The following STXBP5L variants were observed in gnomAD, a reference collection of about 807,000 sequenced individuals.
STXBP5L encodes the protein syntaxin-binding protein 5-like.
A neutral mutation model predicts 144.5 loss-of-function variants in STXBP5L; 65 were observed. The observed-to-expected ratio is 0.45, with a 90% confidence interval of 0.37 to 0.55. The LOEUF (loss-of-function observed/expected upper bound fraction) is 0.55. Among genes scored for constraint, STXBP5L ranks in the 20% least tolerant of loss-of-function variants. The pLI is 0.00. For synonymous variants in STXBP5L, 505 were observed against 469.6 expected (o/e 1.08, Z -0.97); for missense variants, 1,298 against 1,405.5 (o/e 0.92, Z 1.22).
At chr3:120,995,115 T>TA (rs1201123436) in intron 3 of STXBP5L, among the ~76,000 whole-genome samples, 1 of 152,076 alleles carries the variant, frequency 6.6e-6, no homozygotes, top group Non-Finnish European at 1.5e-5. Context: ...GTCTGCAAAT[T>TA]AAAAAAGTGT....
chr3:121,275,238 T>G (rs2050845753), intron 18 of STXBP5L, among the ~76,000 whole-genome samples: 1 of 152,116 alleles, frequency 6.6e-6, no homozygotes, highest in South Asian at 2.1e-4. Context: ...CTATTATACT[T>G]CTCTATATAT....
intron 5 of STXBP5L, among the ~76,000 whole-genome samples, chr3:121,049,453 G>A (rs1241889885): frequency 2.0e-5 from 3 of 152,120 alleles, no homozygotes; most frequent in South Asian, 2.1e-4. Context: ...CCTTAAGGTG[G>A]CTGCCTTTTA....
intron 23 of STXBP5L, among the ~76,000 whole-genome samples, chr3:121,411,876 GCAGT>G (rs1184445964): frequency 6.6e-6 from 1 of 152,120 alleles, no homozygotes; most frequent in Non-Finnish European, 1.5e-5. Flanking sequence ...GACCAAGTAT[GCAGT>G]CAGACACTTT....
In STXBP5L at chr3:120,969,699, T is replaced by A. The variant is rs1940020593; in HGVS notation, c.287+14662T>A. Among the ~76,000 whole-genome samples, 4 of 152,164 alleles carry A rather than the reference T, an allele frequency of 2.6e-5. No homozygotes were observed. In the South Asian group the frequency reaches 8.3e-4, roughly 32 times the overall value. On this transcript the variant is annotated intron_variant, in intron 3 of 26. Coordinates refer to ENST00000471454, the MANE Select transcript of STXBP5L (RefSeq NM_001308330.2). ...AGGTCTTATATTTAAGTCTTTTATC[T>A]ATATTGACTTGATTTTTGTGTAAAG...
At chr3:121,194,443 G>GAGGATTACTTGAGCCC (rs1553733473) in intron 9 of STXBP5L, among the ~76,000 whole-genome samples, 2 of 150,570 alleles carry the variant, frequency 1.3e-5, no homozygotes, top group African/African-American at 4.9e-5. Context: ...GCCTAGGCAG[G>GAGGATTACTTGAGCCC]AGGATTGCTT....
rs536156490 is a variant in STXBP5L, at chr3:121,250,997, C to A, written c.1441+234C>A. 4.6e-5 allele frequency among the ~76,000 whole-genome samples: 7 copies of A among 152,158 alleles called. No individual in the cohort carries two copies. In the South Asian group the frequency reaches 1.5e-3, roughly 32 times the overall value. On this transcript the variant is annotated intron_variant, in intron 15 of 26. Transcript: ENST00000471454. ...GACTAAGTCACTCTTTGTCAGCAAC[C>A]CATTATATCTACAAGAGGCATGATA...
Position 120,981,447 on chromosome 3 carries a change from G to C in STXBP5L, c.287+26410G>C, listed in dbSNP as rs182381943. On this transcript the variant is annotated intron_variant, in intron 3 of 26. Transcript: ENST00000471454. ...TTAAAAAGCTCTGTTTTCTAGCTCTGAAGTTGTTTTTGTTTGTTCTAGCCT... is the reference window on the plus strand; with the variant it reads ...TTAAAAAGCTCTGTTTTCTAGCTCTCAAGTTGTTTTTGTTTGTTCTAGCCT... Among the ~76,000 whole-genome samples the C allele has an allele frequency of 5.9e-5, 9 of 152,086 alleles. No individual in the cohort carries two copies. In the East Asian group the frequency reaches 1.7e-3, roughly 29 times the overall value.
intron 2 of STXBP5L, among the ~76,000 whole-genome samples, chr3:120,931,295 A>G (rs1289247122): frequency 1.3e-5 from 2 of 152,266 alleles, no homozygotes; most frequent in East Asian, 3.9e-4. Context: ...AGGCTACATA[A>G]TAGGTAAAGA....
intron 5 of STXBP5L, among the ~76,000 whole-genome samples, chr3:121,050,225 C>T (rs912463594): frequency 5.3e-5 from 8 of 152,084 alleles, no homozygotes; most frequent in African/African-American, 1.2e-4. Flanking sequence ...AGCTATCTCA[C>T]GCCAAATCTC....
intron 2 of STXBP5L, among the ~76,000 whole-genome samples, chr3:120,923,383 G>T (rs1709451622): frequency 6.6e-6 from 1 of 151,344 alleles, no homozygotes; most frequent in Non-Finnish European, 1.5e-5. Flanking sequence ...TGAATGTTGG[G>T]TTGGATTGTT....
At chr3:120,976,676 G>T (rs368221970) in intron 3 of STXBP5L, among the ~76,000 whole-genome samples, 1 of 152,044 alleles carries the variant, frequency 6.6e-6, no homozygotes. Flanking sequence ...TCTCTTGTGG[G>T]CATTTAGTGC....
At chr3:121,353,203 A>C (rs2045368288) in intron 20 of STXBP5L, among the ~76,000 whole-genome samples, 1 of 152,106 alleles carries the variant, frequency 6.6e-6, no homozygotes, top group South Asian at 2.1e-4. Context: ...TCATAAAATG[A>C]GTTTGGGAGG....
chr3:121,151,358 G>A (rs570691427), intron 7 of STXBP5L, among the ~76,000 whole-genome samples: 5 of 152,196 alleles, frequency 3.3e-5, no homozygotes, highest in East Asian at 3.9e-4. Context: ...TAATAACCAA[G>A]CATTTTTGTT....
At chr3:121,271,838 C>G (rs182634783) in intron 18 of STXBP5L, among the ~76,000 whole-genome samples, 1 of 152,164 alleles carries the variant, frequency 6.6e-6, no homozygotes, top group Non-Finnish European at 1.5e-5. Flanking sequence ...GTTCTGCAGG[C>G]TGTGCTGGAA....
chr3:121,005,759 T>C (rs1397394049), intron 3 of STXBP5L, among the ~76,000 whole-genome samples: 1 of 152,230 alleles, frequency 6.6e-6, no homozygotes, highest in Non-Finnish European at 1.5e-5. Context: ...GTATCTTTGT[T>C]CTCATTGGTT....
chr3:121,217,131 G>A (rs2048805797), intron 10 of STXBP5L, among the ~76,000 whole-genome samples: 1 of 152,154 alleles, frequency 6.6e-6, no homozygotes, highest in African/African-American at 2.4e-5. Context: ...GTGGGGTTGG[G>A]ATCCACTGAG....
intron 3 of STXBP5L, among the ~76,000 whole-genome samples, chr3:120,984,863 T>C (rs192842384): frequency 1.3e-5 from 2 of 152,094 alleles, no homozygotes; most frequent in Admixed American, 1.3e-4. Context: ...GTTGAGAGTT[T>C]TTATTATAAA....
intron 12 of STXBP5L, among the ~76,000 whole-genome samples, chr3:121,235,504 T>G (rs547563987): frequency 6.6e-6 from 1 of 152,260 alleles, no homozygotes; most frequent in South Asian, 2.1e-4. Flanking sequence ...TCTCAAAAAT[T>G]TTCTCAATAT....
intron 9 of STXBP5L, among the ~76,000 whole-genome samples, chr3:121,159,858 T>A (rs2046255910): frequency 6.6e-6 from 1 of 151,906 alleles, no homozygotes. Flanking sequence ...GGTCTCGATC[T>A]CCTGACCTCG....
Sources: allele counts gnomAD v4.1 joint callset (sites outside exome capture counted in the v4.1 genomes callset), GRCh38; gene constraint gnomAD v4.1.1; transcripts MANE v1.5; gene names NCBI Gene and HGNC (gene_info 2026-07-23, HGNC 2026-07-21).